ADD2: variants seen among roughly 807,000 people sequenced by gnomAD.
ADD2 encodes the protein beta-adducin.
ADD2 carries 23 observed loss-of-function variants against 83.0 expected under a neutral mutation model. That is an observed-to-expected ratio of 0.28 (90% CI 0.20 to 0.39). The LOEUF is 0.39. ADD2 is among the 10% of genes least tolerant of loss of function. The pLI is 1.00. For missense variants in ADD2, 758 were observed against 944.9 expected (o/e 0.80, Z 2.59); for synonymous variants, 375 against 375.4 (o/e 1.00, Z 0.01).
chr2:70,696,328 G>T lies in ADD2; in HGVS notation c.391C>A (p.Arg131=). 1 of 1,614,082 alleles carries T rather than the reference G, an allele frequency of 6.2e-7. No individual in the cohort carries two copies. Among genetic ancestry groups the T allele is most frequent in the Non-Finnish European group, 8.5e-7 (1 of 1,180,012 alleles). ...ADSLNLAKGE[R]LMRCKISSVY... ...CTGCTGATCTTGCACCGCATGAGCC[G>T]CTCCCCTTTGGCCAGGTTCAGGGAG... is the stretch of plus-strand genomic sequence containing the variant. Residue 131 remains arginine, a synonymous_variant, in exon 5 of 16, where the codon CGG becomes AGG. Coordinates refer to ENST00000264436, the MANE Select transcript of ADD2 (RefSeq NM_001617.4).
rs78949941 is a variant in ADD2 at position 70,692,594 on chromosome 2, C to T, written c.556-42G>A. ...GAGAGACTTATGGCAACAGGGTGGC[C>T]GAGGCCCCGCACTCCTCTCCCAGCT... On this transcript the variant is annotated intron_variant, in intron 6 of 15. Transcript: ENST00000264436. 1,260 of 1,540,216 alleles carry T rather than the reference C, an allele frequency of 8.2e-4. 7 individuals are homozygous for T. In the African/African-American group the frequency reaches 0.014, roughly 17 times the overall value.
intron 1 of ADD2, among the ~76,000 whole-genome samples, chr2:70,740,664 T>TTG (rs1237221074): frequency 1.3e-5 from 2 of 152,080 alleles, no homozygotes; most frequent in Non-Finnish European, 1.5e-5. Flanking sequence ...TTTGTTGTTT[T>TTG]TGTGTGTGTG....
At chr2:70,689,793 G>A (rs1338492953) in intron 8 of ADD2, among the ~76,000 whole-genome samples, 1 of 152,206 alleles carries the variant, frequency 6.6e-6, no homozygotes, top group Non-Finnish European at 1.5e-5. Context: ...TTATAAAACA[G>A]GGCTCAAGAG....
At chr2:70,696,574 C>T (rs1671325985) in intron 4 of ADD2, among the ~76,000 whole-genome samples, 178 bp from the exon 5 acceptor site, 1 of 152,104 alleles carries the variant, frequency 6.6e-6, no homozygotes, top group Non-Finnish European at 1.5e-5. Flanking sequence ...ACGTCTGTGC[C>T]CAATAAAGTC....
intron 11 of ADD2, among the ~76,000 whole-genome samples, chr2:70,678,175 A>T (rs952865888): frequency 6.6e-6 from 1 of 152,218 alleles, no homozygotes; most frequent in African/African-American, 2.4e-5. Flanking sequence ...CTTGGGCTTC[A>T]GTATTAGGTA....
chr2:70,675,227 C>G, intron 13 of ADD2: 1 of 1,009,918 alleles, frequency 9.9e-7, no homozygotes, highest in Non-Finnish European at 1.2e-6. Context: ...AGCTTCATGC[C>G]AGCCATTCCC....
At chr2:70,717,748 A>C (rs2052273) in intron 1 of ADD2, 1 of 152,222 alleles carries the variant, frequency 6.6e-6, no homozygotes, top group Non-Finnish European at 1.5e-5. Context: ...TGCTACTTTT[A>C]CAGAATAAAT....
intron 2 of ADD2, among the ~76,000 whole-genome samples, chr2:70,709,472 G>A (rs1045634236): frequency 6.6e-6 from 1 of 152,194 alleles, no homozygotes; most frequent in South Asian, 2.1e-4. Flanking sequence ...GGATGTTGCT[G>A]GTGGACTGAG....
At chr2:70,732,412 G>T (rs1319533087) in intron 1 of ADD2, among the ~76,000 whole-genome samples, 1 of 152,168 alleles carries the variant, frequency 6.6e-6, no homozygotes, top group Non-Finnish European at 1.5e-5. Context: ...TGGATCAATT[G>T]AGATCACATA....
At chr2:70,665,818 G>T (rs568678820) in intron 15 of ADD2, among the ~76,000 whole-genome samples, 21,835 of 143,594 alleles carry the variant, frequency 0.15, 1,935 homozygotes, top group African/African-American at 0.24. Flanking sequence ...TTGTTTTTTT[G>T]TTTTTTTTTT....
chr2:70,753,266 C>T (rs193058090), intron 1 of ADD2, among the ~76,000 whole-genome samples: 94 of 152,126 alleles, frequency 6.2e-4, no homozygotes, highest in Non-Finnish European at 1.0e-3. Flanking sequence ...GAGAAGAGGC[C>T]ATTAGATTTG....
At chr2:70,683,859 C>CA (rs11431758) in intron 9 of ADD2, 92 bp from the exon 10 acceptor site, 49,257 of 1,400,992 alleles carry the variant, frequency 0.035, 1,486 homozygotes, top group African/African-American at 0.15. Flanking sequence ...AATGGGGAGT[C>CA]CAGAGGAGAA....
intron 8 of ADD2, among the ~76,000 whole-genome samples, chr2:70,689,585 A>G (rs962293652): frequency 2.0e-5 from 3 of 152,222 alleles, no homozygotes; most frequent in African/African-American, 4.8e-5. Flanking sequence ...CCCTCTCCCC[A>G]CACTCTAAAT....
chr2:70,727,998 C>T (rs1382358487), intron 1 of ADD2, among the ~76,000 whole-genome samples: 1 of 152,092 alleles, frequency 6.6e-6, no homozygotes, highest in Non-Finnish European at 1.5e-5. Context: ...TCAAGGACGT[C>T]CGTGGATTTG....
At chr2:70,757,273 T>A (rs1372039474) in intron 1 of ADD2, among the ~76,000 whole-genome samples, 2 of 82,842 alleles carry the variant, frequency 2.4e-5, no homozygotes, top group Non-Finnish European at 4.7e-5. Context: ...GGTTTGCCTG[T>A]GGATAAGGGA....
intron 1 of ADD2, among the ~76,000 whole-genome samples, chr2:70,713,536 G>A (rs1469735643): frequency 3.3e-5 from 5 of 152,154 alleles, no homozygotes; most frequent in South Asian, 4.1e-4. Context: ...GCTTGAATCC[G>A]GGAGGTGGAG....
chr2:70,726,294 C>G (rs1486768019), intron 1 of ADD2, among the ~76,000 whole-genome samples: 1 of 151,724 alleles, frequency 6.6e-6, no homozygotes, highest in Non-Finnish European at 1.5e-5. Flanking sequence ...TCCAGTCAGC[C>G]ACAATGCTGG....
At position 70,706,266 on chromosome 2, in the gene ADD2, A is replaced by G. The variant is rs1553374394; in HGVS notation, c.143T>C (p.Met48Thr). ...AADLRQDFNL[M>T]EQKKRVTMIL... ...CATGGTGACGCGCTTCTTCTGCTCCATCAGGTTGAAGTCCTGCCGCAGGTC... is the reference window on the plus strand; with the variant it reads ...CATGGTGACGCGCTTCTTCTGCTCCGTCAGGTTGAAGTCCTGCCGCAGGTC... The change falls in exon 3 of 16, where the codon ATG (methionine) becomes ACG (threonine). Residue 48 changes from methionine (M) to threonine (T), a missense_variant. Met to Thr is a moderately conservative substitution (Grantham distance 81). Around this residue, in one of 5 missense-constraint regions of ADD2, gnomAD observed 175 missense variants for 192.1 expected, o/e 0.91. Coordinates refer to ENST00000264436, the MANE Select transcript of ADD2 (RefSeq NM_001617.4). The surrounding 1 kb of genome is among the most constrained non-coding windows in gnomAD (Gnocchi z 5.0). The G allele has an allele frequency of 6.2e-7, 1 of 1,614,060 alleles. No homozygotes were observed. Among genetic ancestry groups the G allele is most frequent in the Admixed American group, 1.7e-5 (1 of 60,032 alleles).
At chr2:70,693,915 C>T (rs1462748263) in intron 6 of ADD2, among the ~76,000 whole-genome samples, 1 of 152,196 alleles carries the variant, frequency 6.6e-6, no homozygotes. Flanking sequence ...AAGCAGGTAC[C>T]CCCTCTTGAG....
Sources: gnomAD v4.1 joint callset for allele counts (sites outside exome capture counted in the v4.1 genomes callset) on GRCh38, gnomAD v4.1.1 for gene constraint, gnomAD v4.1.1 regional missense constraint, Gnocchi (gnomAD v3.1) non-coding constraint, MANE v1.5 for transcripts, NCBI Gene and HGNC (gene_info 2026-07-23, HGNC 2026-07-21) for gene names.